CPD: variants seen among roughly 807,000 people sequenced by gnomAD.
CPD encodes the protein metallocarboxypeptidase D.
A neutral mutation model predicts 138.3 loss-of-function variants in CPD; 69 were observed. The observed-to-expected ratio is 0.50, with a 90% confidence interval of 0.41 to 0.61. CPD has a LOEUF of 0.61. CPD is among the 20% of genes least tolerant of loss of function. The probability of loss-of-function intolerance (pLI) is 0.00; values close to 1 mark genes in which losing one functional copy is unlikely to be tolerated. For missense variants in CPD, 1,432 were observed against 1,733.3 expected (o/e 0.83, Z 3.09); for synonymous variants, 651 against 642.1 (o/e 1.01, Z -0.21).
At chr17:30,421,025 T>A in intron 3 of CPD, 42 bp downstream of exon 3, 1 of 1,593,592 alleles carries the variant, frequency 6.3e-7, no homozygotes, top group Non-Finnish European at 8.6e-7. Context: ...AGAAACAGGA[T>A]TAAATAAGGG....
intron 2 of CPD, among the ~76,000 whole-genome samples, chr17:30,395,476 C>T (rs1397924333): frequency 6.6e-6 from 1 of 151,914 alleles, no homozygotes. Context: ...TACTCCAAAA[C>T]AGAATATTTG....
rs1913609631 is a variant in CPD at position 30,465,412 on chromosome 17, T to C, written c.*598T>C. The stretch of plus-strand genomic sequence containing the variant: ...GCTTTCTACCTGTTCCAAGGCTAGA[T>C]CGGAACTGGTAGACTACGCTGTAAG... On this transcript the variant is annotated 3_prime_UTR_variant, in exon 21 of 21. Transcript: ENST00000225719. 1 of 153,198 alleles carries C rather than the reference T, an allele frequency of 6.5e-6. No individual in the cohort carries two copies. The highest frequency in any genetic ancestry group is 1.5e-5 in the Non-Finnish European group (1 of 68,506). 9.5% of individuals were successfully genotyped at this position (153,198 alleles called of 1,614,324 possible). A position where few individuals can be genotyped will look rare whatever the true frequency, so the allele number is the denominator to read the frequency against.
chr17:30,401,018 T>C (rs947975041), intron 2 of CPD, among the ~76,000 whole-genome samples: 1 of 152,006 alleles, frequency 6.6e-6, no homozygotes, highest in African/African-American at 2.4e-5. Flanking sequence ...GATATAAAAC[T>C]CGGGGTTGTG....
chr17:30,410,888 G>T (rs1911948020), intron 2 of CPD, among the ~76,000 whole-genome samples: 1 of 152,150 alleles, frequency 6.6e-6, no homozygotes, highest in South Asian at 2.1e-4. Context: ...GTGTGAATTT[G>T]ATCCTGTCAT....
In CPD at chr17:30,445,911, T is replaced by C; in HGVS notation, c.2764T>C (p.Ser922Pro). The part of the protein sequence containing the change: ...ENGLESLMLR[S>P]SSNLALALYR... ...TGGTTTGGAAAGCCTCATGTTACGC[T>C]CCTCCTCAAATCTGGCTCTGGCTCT... The change falls in exon 12 of 21, where the codon TCC becomes CCC. Residue 922 changes from serine (S) to proline (P), a missense_variant. Around this residue, in one of 6 missense-constraint regions of CPD, gnomAD observed 124 missense variants for 117.0 expected, o/e 1.06. Transcript: ENST00000225719. 6.2e-7 allele frequency: 1 copy of C among 1,614,062 alleles called. No homozygotes were observed. The highest frequency in any genetic ancestry group is 8.5e-7 in the Non-Finnish European group (1 of 1,179,946).
intron 6 of CPD, among the ~76,000 whole-genome samples, chr17:30,424,619 G>A (rs2143420845): frequency 6.6e-6 from 1 of 152,342 alleles, no homozygotes; most frequent in Middle Eastern, 3.4e-3. Context: ...CTGAGTCAGT[G>A]ACTCTGTTTT....
chr17:30,440,183 G>T (rs1912823951), intron 9 of CPD, among the ~76,000 whole-genome samples: 1 of 75,040 alleles, frequency 1.3e-5, no homozygotes, highest in Non-Finnish European at 2.5e-5. Context: ...TTTTTCATGT[G>T]TTTTTTGGCT....
intron 2 of CPD, among the ~76,000 whole-genome samples, chr17:30,388,732 G>A (rs1259744529): frequency 2.0e-5 from 3 of 152,294 alleles, no homozygotes; most frequent in Non-Finnish European, 2.9e-5. Context: ...TGTGGCGGGT[G>A]GCTCCTAATC....
intron 2 of CPD, among the ~76,000 whole-genome samples, chr17:30,389,064 G>A (rs1911274959): frequency 1.3e-5 from 2 of 152,246 alleles, no homozygotes. Context: ...GCTCCGCATA[G>A]GGGTTCCTCT....
intron 1 of CPD, among the ~76,000 whole-genome samples, chr17:30,380,856 T>G (rs1911023130): frequency 6.6e-6 from 1 of 152,224 alleles, no homozygotes. Flanking sequence ...TCTCTTCCCC[T>G]TTTCTAGCAT....
Position 30,423,542 on chromosome 17 carries a change from G to A in CPD, c.1694G>A (p.Gly565Glu). The A allele has an allele frequency of 1.9e-6, 3 of 1,600,230 alleles. No homozygotes were observed. The East Asian group carries it at 6.8e-5, about 36-fold the overall frequency. Reference sequence around the variant, plus strand: ...TTTAAGTACATTGGAAATATGCATGGAAATGAAGTGGTTGGAAGAGAACTG... The same window carrying A: ...TTTAAGTACATTGGAAATATGCATGAAAATGAAGTGGTTGGAAGAGAACTG... ...PEFKYIGNMH[G>E]NEVVGRELLL... Residue 565 changes from glycine (G) to glutamate (E), a missense_variant, in exon 6 of 21, where the codon GGA (glycine) becomes GAA (glutamate). Transcript: ENST00000225719.
chr17:30,421,009 G>T (rs1265892452), intron 3 of CPD, 26 bp downstream of exon 3: 1 of 1,609,106 alleles, frequency 6.2e-7, no homozygotes, highest in African/African-American at 1.3e-5. Flanking sequence ...TGGAATGTTG[G>T]GGTATAGAAA....
In CPD at chr17:30,459,141, T is replaced by C. The variant is rs1913383796; in HGVS notation, c.3499-2039T>C. Among the ~76,000 whole-genome samples the C allele has an allele frequency of 3.5e-5, 5 of 143,330 alleles. No homozygotes were observed. In the South Asian group the frequency reaches 1.1e-3, roughly 30 times the overall value. 94.0% of individuals were successfully genotyped at this position (143,330 alleles called of 152,430 possible). On this transcript the variant is annotated intron_variant, in intron 17 of 20. Transcript: ENST00000225719. The stretch of plus-strand genomic sequence containing the variant: ...GTCTATATGTTTGCCTTTATGCCAG[T>C]ATCACTTTTTTTTTTTTTTTTTTGG...
chr17:30,460,193 A>G (rs1913432400), intron 17 of CPD, among the ~76,000 whole-genome samples: 1 of 152,214 alleles, frequency 6.6e-6, no homozygotes, highest in Admixed American at 6.5e-5. Context: ...AGAAAGAGGA[A>G]GCAGTACATA....
chr17:30,411,237 C>T (rs936868193), intron 2 of CPD, among the ~76,000 whole-genome samples: 7 of 152,242 alleles, frequency 4.6e-5, no homozygotes, highest in South Asian at 2.1e-4. Context: ...GCTGTTAGTC[C>T]GATGGGCTTC....
At position 30,422,743 on chromosome 17, in the gene CPD, T is replaced by C; in HGVS notation, c.1377T>C (p.Leu459=). ...CAGCCACAGAGGTGGATTTTTCTCTTAGGCCAACTGTAACTTCAGTAATCC... is the reference window on the plus strand; with the variant it reads ...CAGCCACAGAGGTGGATTTTTCTCTCAGGCCAACTGTAACTTCAGTAATCC... ...EGPATEVDFS[L]RPTVTSVIPD... Residue 459 remains leucine, a synonymous_variant, in exon 5 of 21, where the codon CTT becomes CTC. Coordinates refer to ENST00000225719, the MANE Select transcript of CPD (RefSeq NM_001304.5). The C allele has an allele frequency of 6.2e-7, 1 of 1,614,084 alleles. No homozygotes were observed. Among genetic ancestry groups the C allele is most frequent in the Non-Finnish European group, 8.5e-7 (1 of 1,179,960 alleles).
At chr17:30,456,631 TG>T in intron 17 of CPD, 105 bp downstream of exon 17, 1 of 1,120,432 alleles carries the variant, frequency 8.9e-7, no homozygotes, top group Non-Finnish European at 1.3e-6. Context: ...TTTCTGAGTT[TG>T]GGAGTTCAAG....
chr17:30,419,037 T>C (rs1912192783), intron 2 of CPD, among the ~76,000 whole-genome samples: 1 of 152,216 alleles, frequency 6.6e-6, no homozygotes, highest in South Asian at 2.1e-4. Context: ...CATATTGCGT[T>C]AGGTAAGGTG....
At chr17:30,447,752 A>G (rs540074297) in intron 12 of CPD, among the ~76,000 whole-genome samples, 1 of 152,294 alleles carries the variant, frequency 6.6e-6, no homozygotes, top group Non-Finnish European at 1.5e-5. Context: ...GAAAACATAC[A>G]GTCCTGGCTT....
Sources: gnomAD v4.1 joint callset for allele counts (sites outside exome capture counted in the v4.1 genomes callset) on GRCh38, gnomAD v4.1.1 for gene constraint, gnomAD v4.1.1 regional missense constraint, MANE v1.5 for transcripts, NCBI Gene and HGNC (gene_info 2026-07-23, HGNC 2026-07-21) for gene names.